Variants in PRKAA2 observed in about 807,000 individuals in gnomAD.
The protein encoded by PRKAA2 is protein kinase AMP-activated catalytic subunit alpha 2, also known as 5'-AMP-activated protein kinase catalytic subunit alpha-2.
In PRKAA2, 40 loss-of-function variants were observed where a neutral mutation model predicts 56.3. The observed-to-expected ratio is 0.71, with a 90% CI of 0.55 to 0.92. PRKAA2 has a LOEUF of 0.92. PRKAA2 is among the 40% of genes least tolerant of loss of function. The pLI is 0.00. For missense variants in PRKAA2, 542 were observed against 686.9 expected, an observed-to-expected ratio of 0.79 and a Z score of 2.36; for synonymous variants, 214 against 234.2, an observed-to-expected ratio of 0.91 and a Z score of 0.79.
chr1:56,662,011 T>C (rs1643997961), intron 1 of PRKAA2, among the ~76,000 whole-genome samples: 1 of 152,188 alleles, frequency 6.6e-6, no homozygotes, highest in African/African-American at 2.4e-5. Context: ...TCTACATTTG[T>C]ATGTGTGAAA....
rs942399071 is a variant in PRKAA2 at position 56,711,174 on chromosome 1, T to C, written c.*3461T>C. On this transcript the variant is annotated 3_prime_UTR_variant, in exon 9 of 9. Coordinates refer to ENST00000371244, the MANE Select transcript of PRKAA2 (RefSeq NM_006252.4). ...ATTGGCTATATGTAGCATGAACAAT[T>C]CTCCATTTTCTGCAAATGGGTTTTT... is the stretch of plus-strand genomic sequence containing the variant. The C allele has an allele frequency of 1.3e-5, 2 of 152,136 alleles. No homozygotes were observed. Among genetic ancestry groups the C allele is most frequent in the Admixed American group, 6.6e-5 (1 of 15,262 alleles). The allele number at this position is 152,136 out of a possible 1,614,324, so 9.4% of individuals were successfully genotyped here.
intron 2 of PRKAA2, among the ~76,000 whole-genome samples, chr1:56,678,032 A>G (rs1644126143): frequency 6.6e-6 from 1 of 152,082 alleles, no homozygotes; most frequent in Non-Finnish European, 1.5e-5. Context: ...CAATCATTTT[A>G]TTTTTGTTTG....
At chr1:56,689,002 G>T (rs1036982184) in intron 2 of PRKAA2, among the ~76,000 whole-genome samples, 4 of 152,154 alleles carry the variant, frequency 2.6e-5, no homozygotes, top group Admixed American at 2.0e-4. Context: ...TAAGACAGTG[G>T]CTGCTAAGGA....
chr1:56,691,993 A>T (rs1039133624), intron 3 of PRKAA2, among the ~76,000 whole-genome samples: 1 of 149,050 alleles, frequency 6.7e-6, no homozygotes, highest in African/African-American at 2.5e-5. Flanking sequence ...TAGCCTAATT[A>T]TGAAATTAAA....
At chr1:56,657,989 G>T (rs1360607282) in intron 1 of PRKAA2, among the ~76,000 whole-genome samples, 1 of 152,172 alleles carries the variant, frequency 6.6e-6, no homozygotes, top group African/African-American at 2.4e-5. Context: ...GAGAATATAT[G>T]TAGGAATGAA....
At chr1:56,682,881 G>C (rs922214350) in intron 2 of PRKAA2, among the ~76,000 whole-genome samples, 1 of 152,078 alleles carries the variant, frequency 6.6e-6, no homozygotes, top group Non-Finnish European at 1.5e-5. Flanking sequence ...CACATTTCAA[G>C]TACTTAATAG....
intron 1 of PRKAA2, among the ~76,000 whole-genome samples, chr1:56,661,294 C>T (rs1643992764): frequency 1.3e-5 from 2 of 152,118 alleles, no homozygotes; most frequent in South Asian, 4.1e-4. Context: ...CACGTAACCA[C>T]CACTTTGATA....
chr1:56,655,280 A>ATATATATATTTTTTTT, intron 1 of PRKAA2, among the ~76,000 whole-genome samples: 5 of 93,652 alleles, frequency 5.3e-5, no homozygotes, highest in South Asian at 5.3e-4. Flanking sequence ...ATATATATAT[A>ATATATATATTTTTTTT]TTTTTTTTTT....
chr1:56,687,155 A>G (rs1337339264), intron 2 of PRKAA2, among the ~76,000 whole-genome samples: 1 of 152,146 alleles, frequency 6.6e-6, no homozygotes, highest in African/African-American at 2.4e-5. Context: ...AAGTGCTGGG[A>G]TTACAGGTAT....
intron 1 of PRKAA2, among the ~76,000 whole-genome samples, chr1:56,657,351 T>A (rs2245475): frequency 0.54 from 82,204 of 152,024 alleles, 22,688 homozygotes; most frequent in East Asian, 0.73. Context: ...AACTGCCAGC[T>A]TATAATTTTA....
intron 2 of PRKAA2, among the ~76,000 whole-genome samples, chr1:56,678,868 G>A (rs1165247676): frequency 6.6e-6 from 1 of 152,072 alleles, no homozygotes; most frequent in Non-Finnish European, 1.5e-5. Flanking sequence ...GCTAATTTTT[G>A]TATTTTTAGT....
Position 56,707,801 on chromosome 1 carries a change from C to A in PRKAA2, c.*88C>A. ...TCTTACTTTTGGATAATATCCACTGCAATACTAATTGAGAAACATGAATTA... is the reference window on the plus strand; with the variant it reads ...TCTTACTTTTGGATAATATCCACTGAAATACTAATTGAGAAACATGAATTA... On this transcript the variant is annotated 3_prime_UTR_variant, in exon 9 of 9. Coordinates refer to ENST00000371244, the MANE Select transcript of PRKAA2 (RefSeq NM_006252.4). 2 of 1,162,342 alleles carry A rather than the reference C, an allele frequency of 1.7e-6. No homozygotes were observed. Among genetic ancestry groups the A allele is most frequent in the Non-Finnish European group, 2.5e-6 (2 of 811,674 alleles). 72.0% of individuals were successfully genotyped at this position (1,162,342 alleles called of 1,614,324 possible). A position where few individuals can be genotyped will look rare whatever the true frequency, so the allele number is the denominator to read the frequency against.
chr1:56,691,615 TAG>T (rs1338848287), intron 3 of PRKAA2, 128 bp downstream of exon 3: 1 of 506,402 alleles, frequency 2.0e-6, no homozygotes, highest in African/African-American at 2.0e-5. Context: ...ACTAAACATG[TAG>T]AGTGTTAGAT....
chr1:56,646,318 G>A (rs905063445), intron 1 of PRKAA2, among the ~76,000 whole-genome samples: 3 of 152,132 alleles, frequency 2.0e-5, no homozygotes, highest in Non-Finnish European at 4.4e-5. Flanking sequence ...AGACTTCTAG[G>A]GTAAGGGAGA....
At chr1:56,701,539 G>A (rs1474345626) in intron 6 of PRKAA2, among the ~76,000 whole-genome samples, 2 of 152,042 alleles carry the variant, frequency 1.3e-5, no homozygotes, top group African/African-American at 4.8e-5. Flanking sequence ...CATATATGCA[G>A]CATTTATTGA....
In PRKAA2 at chr1:56,702,114, A is replaced by G. The variant is rs111553237; in HGVS notation, c.789-1857A>G. On this transcript the variant is annotated intron_variant, in intron 6 of 8. Transcript: ENST00000371244. ...TTTTTTTTTTTTGAGATGGAGTTAC[A>G]CTCTTGTTGCCCAGGCTGGAGTGCA... Among the ~76,000 whole-genome samples the G allele has an allele frequency of 6.1e-3, 905 of 147,630 alleles. 8 individuals are homozygous for G. Among genetic ancestry groups the G allele is most frequent in the African/African-American group, 0.022 (866 of 39,928 alleles).
chr1:56,706,615 C>G (rs1644334031), intron 8 of PRKAA2, among the ~76,000 whole-genome samples: 1 of 152,164 alleles, frequency 6.6e-6, no homozygotes, highest in Admixed American at 6.5e-5. Context: ...TCCTGGGTGG[C>G]CAGGGCGACC....
intron 1 of PRKAA2, among the ~76,000 whole-genome samples, chr1:56,673,990 T>A (rs1469863728): frequency 6.7e-6 from 1 of 148,668 alleles, no homozygotes; most frequent in African/African-American, 2.5e-5. Flanking sequence ...TATTTATTCT[T>A]CTATAATACA....
chr1:56,658,228 CT>C (rs1458134864), intron 1 of PRKAA2, among the ~76,000 whole-genome samples: 2 of 151,944 alleles, frequency 1.3e-5, no homozygotes, highest in African/African-American at 4.8e-5. Context: ...CACAACTCTA[CT>C]TTAAAAAGAA....
Sources: gnomAD v4.1 joint callset for allele counts (sites outside exome capture counted in the v4.1 genomes callset) on GRCh38, gnomAD v4.1.1 for gene constraint, MANE v1.5 for transcripts, NCBI Gene and HGNC (gene_info 2026-07-23, HGNC 2026-07-21) for gene names.